CIT: variants seen among roughly 807,000 people sequenced by gnomAD.
The protein encoded by CIT is citron rho-interacting serine/threonine kinase, also known as citron Rho-interacting kinase.
In CIT, 79 loss-of-function variants were observed where a neutral mutation model predicts 272.7. The observed-to-expected ratio is 0.29, with a 90% CI of 0.24 to 0.35. The LOEUF (loss-of-function observed/expected upper bound fraction) is 0.35, where lower values mean the gene tolerates loss of function less well. CIT is among the 10% of genes least tolerant of loss of function. The probability of loss-of-function intolerance (pLI) is 1.00; values close to 1 mark genes in which losing one functional copy is unlikely to be tolerated. For missense variants in CIT, 1,909 were observed against 2,618.3 expected, an observed-to-expected ratio of 0.73 and a Z score of 5.91; for synonymous variants, 948 against 995.6, an observed-to-expected ratio of 0.95 and a Z score of 0.90.
chr12:119,874,817 G>A (rs1319927822), intron 2 of CIT, among the ~76,000 whole-genome samples: 1 of 150,818 alleles, frequency 6.6e-6, no homozygotes, highest in Non-Finnish European at 1.5e-5. Flanking sequence ...ACCCCGGGGG[G>A]CAGAGCCTGC....
At chr12:119,808,369 T>C (rs1966727009) in intron 9 of CIT, among the ~76,000 whole-genome samples, 1 of 152,198 alleles carries the variant, frequency 6.6e-6, no homozygotes, top group Admixed American at 6.5e-5. Flanking sequence ...TAATGTTTAA[T>C]ATCTATTTTT....
In CIT at chr12:119,687,190, G is replaced by C. The variant is rs1286580163; in HGVS notation, c.*1042C>G. On this transcript the variant is annotated 3_prime_UTR_variant, in exon 48 of 48. Coordinates refer to ENST00000392521, the MANE Select transcript of CIT (RefSeq NM_001206999.2). ...TCGATTTGGCAGGAGCTATGGGATGGTATTAATACATTGGCAGAGCAACCC... is the reference window on the plus strand; with the variant it reads ...TCGATTTGGCAGGAGCTATGGGATGCTATTAATACATTGGCAGAGCAACCC... The C allele has an allele frequency of 2.0e-5, 3 of 152,606 alleles. No homozygotes were observed. 9.5% of individuals were successfully genotyped at this position (152,606 alleles called of 1,614,324 possible).
chr12:119,836,284 T>TAAAAAAAAAAAAAAAAAAAAAAAA (rs201559880), intron 5 of CIT, among the ~76,000 whole-genome samples: 1 of 42,262 alleles, frequency 2.4e-5, no homozygotes, highest in African/African-American at 1.0e-4. Context: ...AGACTCCATC[T>TAAAAAAAAAAAAAAAAAAAAAAAA]AAAAAAAAAA....
At chr12:119,742,759 G>C in intron 23 of CIT, 1 of 261,830 alleles carries the variant, frequency 3.8e-6, no homozygotes, top group South Asian at 9.5e-5. Flanking sequence ...GGGAAAAAAA[G>C]CAATAAAGGA....
chr12:119,803,157 A>G, intron 10 of CIT, 49 bp downstream of exon 10: 2 of 880,478 alleles, frequency 2.3e-6, no homozygotes, highest in Non-Finnish European at 2.9e-6. Flanking sequence ...TTGGCTCCAA[A>G]AGCCTTGCAT....
At chr12:119,745,448 T>G (rs1289467531) in intron 23 of CIT, among the ~76,000 whole-genome samples, 1 of 67,616 alleles carries the variant, frequency 1.5e-5, no homozygotes. Flanking sequence ...TCTTAAAAAA[T>G]GAAGGTAATA....
In CIT at chr12:119,804,185, CTGGGGG is replaced by C; in HGVS notation, c.1112-802_1112-797del. 1 of 985,538 alleles carries C rather than the reference CTGGGGG, an allele frequency of 1.0e-6. No homozygotes were observed. Among genetic ancestry groups the C allele is most frequent in the Non-Finnish European group, 1.2e-6 (1 of 830,050 alleles). The allele number at this position is 985,538 out of a possible 1,614,324, so 61.0% of individuals were successfully genotyped here. On this transcript the variant is annotated intron_variant, in intron 9 of 47. Transcript: ENST00000392521. This position sits in a 1 kb window ranked among gnomAD's most constrained non-coding sequence, Gnocchi z 5.3. ...TACCTCCTCAGGGCTTCACTCCCGG[CTGGGGG>C]CGTGTTACATCCTCTCCACTTCCTC...
At position 119,777,966 on chromosome 12, in the gene CIT, T is replaced by C. The variant is rs76532971; in HGVS notation, c.1666-1124A>G. On this transcript the variant is annotated intron_variant, in intron 13 of 47. Transcript: ENST00000392521. ...CCTTTCAGACAGCACAAGAGGGTAA[T>C]TGAAAATCTCAGTGGAAAGAATTCT... Among the ~76,000 whole-genome samples the C allele has an allele frequency of 6.0e-3, 912 of 152,288 alleles. 10 individuals are homozygous for C. Among genetic ancestry groups the C allele is most frequent in the African/African-American group, 0.021 (872 of 41,550 alleles).
intron 20 of CIT, 77 bp downstream of exon 20, chr12:119,760,862 A>T: frequency 1.1e-6 from 1 of 902,778 alleles, no homozygotes; most frequent in Non-Finnish European, 1.8e-6. Context: ...GGTGAAATAG[A>T]GTCTTATCAG....
chr12:119,733,306 G>A (rs1958571345), intron 26 of CIT, among the ~76,000 whole-genome samples: 1 of 152,008 alleles, frequency 6.6e-6, no homozygotes, highest in Non-Finnish European at 1.5e-5. Context: ...AAGGCAGGTG[G>A]ATCACTTGAG....
rs2136891104 is a variant in CIT at position 119,688,270 on chromosome 12, A to AGGG, written c.6187-16_6187-15insCCC. 6.6e-7 allele frequency: 1 copy of AGGG among 1,519,206 alleles called. No individual in the cohort carries two copies. The highest frequency in any genetic ancestry group is 8.8e-7 in the Non-Finnish European group (1 of 1,137,978). The allele number at this position is 1,519,206 out of a possible 1,614,324, so 94.1% of individuals were successfully genotyped here. On this transcript the variant is annotated splice_polypyrimidine_tract_variant and intron_variant, in intron 47 of 47. Transcript: ENST00000392521. ...TGGTCCCAGACCTAGGAGTGAAATA[A>AGGG]GGAGGAGTGTTAGCCATCCGAGGCC...
intron 9 of CIT, among the ~76,000 whole-genome samples, chr12:119,807,231 A>G (rs1303254553): frequency 6.6e-6 from 1 of 152,238 alleles, no homozygotes; most frequent in Non-Finnish European, 1.5e-5. Flanking sequence ...GACGGAAAAC[A>G]TGAGAGGTCA....
At chr12:119,818,378 C>G (rs1188895227) in intron 9 of CIT, among the ~76,000 whole-genome samples, 1 of 152,166 alleles carries the variant, frequency 6.6e-6, no homozygotes, top group Non-Finnish European at 1.5e-5. Flanking sequence ...AGACTTTCAC[C>G]TGAAGCTAAG....
intron 7 of CIT, among the ~76,000 whole-genome samples, chr12:119,828,325 C>T (rs562924450): frequency 2.4e-4 from 37 of 152,256 alleles, no homozygotes; most frequent in Admixed American, 1.1e-3. Flanking sequence ...AATTAACAAA[C>T]ATTTTTAATG....
chr12:119,842,573 G>A (rs551416603), intron 5 of CIT, among the ~76,000 whole-genome samples: 3 of 151,882 alleles, frequency 2.0e-5, no homozygotes, highest in Non-Finnish European at 4.4e-5. Flanking sequence ...CAGAATACAG[G>A]ACTAGCTTTG....
intron 5 of CIT, among the ~76,000 whole-genome samples, chr12:119,840,752 C>T (rs1969354909): frequency 6.6e-6 from 1 of 152,166 alleles, no homozygotes; most frequent in South Asian, 2.1e-4. Flanking sequence ...TGTGAGCAGG[C>T]CTGGTGAGTT....
intron 28 of CIT, among the ~76,000 whole-genome samples, chr12:119,722,756 A>T (rs1957866237): frequency 6.6e-6 from 1 of 152,222 alleles, no homozygotes; most frequent in Non-Finnish European, 1.5e-5. Context: ...TGCCCAGTAT[A>T]CAGTAGGTGC....
intron 24 of CIT, among the ~76,000 whole-genome samples, chr12:119,737,521 C>T (rs993499986): frequency 2.0e-5 from 3 of 152,032 alleles, no homozygotes; most frequent in African/African-American, 7.2e-5. Context: ...TCTGCCACCT[C>T]TTCGTTTTCT....
chr12:119,710,741 A>G lies in CIT; in HGVS notation c.4855-121T>C. ...CAAGTTATTCCTGGAAATGCTCAGA[A>G]ACGCACATATGCTCTTAGCTCAGCC... is the stretch of plus-strand genomic sequence containing the variant. On this transcript the variant is annotated intron_variant, in intron 37 of 47. Transcript: ENST00000392521. The surrounding 1 kb of genome is among the most constrained non-coding windows in gnomAD (Gnocchi z 5.6). 2.1e-6 allele frequency: 2 copies of G among 938,390 alleles called. No homozygotes were observed. Among genetic ancestry groups the G allele is most frequent in the Non-Finnish European group, 1.7e-6 (1 of 592,866 alleles). The allele number at this position is 938,390 out of a possible 1,614,324, so 58.1% of individuals were successfully genotyped here.
Sources: allele counts gnomAD v4.1 joint callset (sites outside exome capture counted in the v4.1 genomes callset), GRCh38; gene constraint gnomAD v4.1.1; non-coding constraint Gnocchi (gnomAD v3.1); transcripts MANE v1.5; gene names NCBI Gene and HGNC (gene_info 2026-07-23, HGNC 2026-07-21).